Variants in ATR observed in about 807,000 individuals in gnomAD.
ATR encodes the protein serine/threonine-protein kinase ATR.
Under a neutral mutation model 305.3 loss-of-function variants are expected in ATR, and 142 were observed. The observed-to-expected ratio is 0.47, with a 90% confidence interval of 0.41 to 0.53. ATR has a LOEUF of 0.53. Among genes scored for constraint, ATR ranks in the 20% least tolerant of loss-of-function variants. ATR has a pLI of 0.00. For missense variants in ATR, 2,135 were observed against 3,133.1 expected (o/e 0.68, Z 7.60); for synonymous variants, 1,050 against 1,068.1 (o/e 0.98, Z 0.33).
chr3:142,466,344 T>C lies in ATR; in HGVS notation c.6877A>G (p.Ile2293Val), dbSNP rs758772379. ...HEPFPGHWAY[I>V]AGFDDMVEIL... ...TTTACCATATCATCAAACCCTGCAA[T>C]ATAGGCCCAATGTCCAGGAAATGGT... Residue 2293 changes from isoleucine (I) to valine (V), a missense_variant, in exon 40 of 47, where the codon ATT becomes GTT. Physicochemically the swap from Ile to Val is conservative, Grantham distance 29. Coordinates refer to ENST00000350721, the MANE Select transcript of ATR (RefSeq NM_001184.4). 9 of 1,613,816 alleles carry C rather than the reference T, an allele frequency of 5.6e-6. No individual in the cohort carries two copies. In the Admixed American group the frequency reaches 1.2e-4, roughly 21 times the overall value.
rs369939610 is a variant in ATR, at chr3:142,556,059, C to G, written c.2159G>C (p.Gly720Ala). Reference sequence around the variant, plus strand: ...TAAAGAACTTGTCAGATAAAACATGCCGTGAAGAGTACAGACAAGTTGACC... The same window carrying G: ...TAAAGAACTTGTCAGATAAAACATGGCGTGAAGAGTACAGACAAGTTGACC... ...ILGQLVCTLH[G>A]MFYLTSSLTE... Residue 720 changes from glycine to alanine, a missense_variant, in exon 10 of 47, where the codon GGC becomes GCC. By Grantham distance (60) the Gly-to-Ala change is moderately conservative (BLOSUM62 0). Around this residue, in one of 9 missense-constraint regions of ATR, gnomAD observed 744 missense variants for 873.2 expected, o/e 0.85. Coordinates refer to ENST00000350721, the MANE Select transcript of ATR (RefSeq NM_001184.4). The G allele has an allele frequency of 2.9e-5, 46 of 1,613,892 alleles. No homozygotes were observed. Among genetic ancestry groups the G allele is most frequent in the Non-Finnish European group, 3.7e-5 (44 of 1,179,912 alleles).
chr3:142,499,791 A>G lies in ATR; in HGVS notation c.5289-73T>C, dbSNP rs2031858038. ...ACATTCAGAGATTTTTCATTGGTTTACATACTCTATTTATTATATTTATTG... is the reference window on the plus strand; with the variant it reads ...ACATTCAGAGATTTTTCATTGGTTTGCATACTCTATTTATTATATTTATTG... On this transcript the variant is annotated intron_variant, in intron 30 of 46. Coordinates refer to ENST00000350721, the MANE Select transcript of ATR (RefSeq NM_001184.4). The G allele has an allele frequency of 4.2e-6, 5 of 1,198,638 alleles. No individual in the cohort carries two copies. The Admixed American group carries it at 5.2e-5, about 12-fold the overall frequency. 74.3% of individuals were successfully genotyped at this position (1,198,638 alleles called of 1,614,324 possible). A position where few individuals can be genotyped will look rare whatever the true frequency, so the allele number is the denominator to read the frequency against.
chr3:142,505,049 C>T, intron 29 of ATR, 90 bp downstream of exon 29: 1 of 1,477,630 alleles, frequency 6.8e-7, no homozygotes, highest in Non-Finnish European at 9.3e-7. Flanking sequence ...GTCTCAAAAA[C>T]AAAACAAAAC....
chr3:142,478,628 C>T (rs2030116616), intron 36 of ATR, among the ~76,000 whole-genome samples: 1 of 152,152 alleles, frequency 6.6e-6, no homozygotes, highest in Non-Finnish European at 1.5e-5. Context: ...GAGCTGAATT[C>T]AATTCCTGGA....
intron 35 of ATR, among the ~76,000 whole-genome samples, chr3:142,491,118 T>G (rs2031250433): frequency 6.6e-6 from 1 of 152,084 alleles, no homozygotes; most frequent in African/African-American, 2.4e-5. Context: ...AAAAAAAAAT[T>G]GTACCAATTA....
intron 3 of ATR, among the ~76,000 whole-genome samples, chr3:142,565,733 TAAA>T (rs55690216): frequency 2.5e-5 from 2 of 79,322 alleles, no homozygotes; most frequent in Admixed American, 1.6e-4. Flanking sequence ...CTGTCTTATT[TAAA>T]AAAAAAAAAA....
At chr3:142,453,266 T>C (rs1170805075) in intron 45 of ATR, 33 bp from the exon 46 acceptor site, 1 of 1,600,974 alleles carries the variant, frequency 6.2e-7, no homozygotes, top group Non-Finnish European at 8.6e-7. Context: ...GGTATGATGT[T>C]ATCTTTGCAA....
intron 25 of ATR, among the ~76,000 whole-genome samples, chr3:142,513,959 C>T (rs762787257): frequency 6.6e-6 from 1 of 151,898 alleles, no homozygotes; most frequent in African/African-American, 2.4e-5. Context: ...ATTATATTTT[C>T]AGTATATTCA....
Position 142,505,132 on chromosome 3 carries a change from A to G in ATR, c.5196+7T>C, listed in dbSNP as rs2032172336. On this transcript the variant is annotated splice_region_variant and intron_variant, in intron 29 of 46. Coordinates refer to ENST00000350721, the MANE Select transcript of ATR (RefSeq NM_001184.4). ...TCATTACAGTTGCCTTTCAATTATT[A>G]TCTTACCTGGTCTGGTTCTAGCTGA... The G allele has an allele frequency of 4.3e-6, 7 of 1,614,018 alleles. No individual in the cohort carries two copies. Among genetic ancestry groups the G allele is most frequent in the Non-Finnish European group, 5.1e-6 (6 of 1,179,930 alleles).
chr3:142,530,244 C>T (rs1415279641), intron 21 of ATR, among the ~76,000 whole-genome samples: 1 of 152,056 alleles, frequency 6.6e-6, no homozygotes, highest in Non-Finnish European at 1.5e-5. Context: ...CAATTTCTTT[C>T]CTAAGTTCAA....
rs770059434 is a variant in ATR, at chr3:142,561,270, G to C, written c.1322C>G (p.Ser441Cys). 5 of 1,614,052 alleles carry C rather than the reference G, an allele frequency of 3.1e-6. No homozygotes were observed. The highest frequency in any genetic ancestry group is 1.1e-5 in the South Asian group (1 of 91,076). ...RRRLSSSLNPSKRAPKQTEEI... is the reference protein window; with the variant it reads ...RRRLSSSLNPCKRAPKQTEEI... Reference sequence around the variant, plus strand: ...CTCAGTCTGTTTTGGTGCTCTTTTAGAAGGGTTTAGAGACGAGCTGAGACG... The same window carrying C: ...CTCAGTCTGTTTTGGTGCTCTTTTACAAGGGTTTAGAGACGAGCTGAGACG... Residue 441 changes from serine (S) to cysteine (C), a missense_variant, in exon 5 of 47, where the codon TCT (serine) becomes TGT (cysteine). Around this residue, in one of 9 missense-constraint regions of ATR, gnomAD observed 744 missense variants for 873.2 expected, o/e 0.85. Transcript: ENST00000350721.
At chr3:142,494,221 G>T (rs75257588) in intron 34 of ATR, among the ~76,000 whole-genome samples, 2,730 of 152,282 alleles carry the variant, frequency 0.018, 29 homozygotes, top group South Asian at 0.041. Flanking sequence ...TACTGTGTAT[G>T]CCACTTTATA....
intron 36 of ATR, among the ~76,000 whole-genome samples, chr3:142,482,420 T>C (rs1486040822): frequency 6.6e-6 from 1 of 152,218 alleles, no homozygotes; most frequent in Non-Finnish European, 1.5e-5. Context: ...TTTATGCATA[T>C]AGAGGACTTT....
chr3:142,565,980 C>A lies in ATR; in HGVS notation c.292+141G>T, dbSNP rs1475096371. 9.8e-6 allele frequency: 10 copies of A among 1,019,312 alleles called. No homozygotes were observed. In the East Asian group the frequency reaches 2.0e-4, roughly 20 times the overall value. The allele number at this position is 1,019,312 out of a possible 1,614,324, so 63.1% of individuals were successfully genotyped here. ...ATAAGGATATGTGAAGGAAAAATAACCATTACCATTTTGCTCCTTCAATTT... is the reference window on the plus strand; with the variant it reads ...ATAAGGATATGTGAAGGAAAAATAAACATTACCATTTTGCTCCTTCAATTT... On this transcript the variant is annotated intron_variant, in intron 3 of 46. Transcript: ENST00000350721.
chr3:142,516,961 TAC>T (rs1210976700), intron 24 of ATR, among the ~76,000 whole-genome samples: 26 of 147,150 alleles, frequency 1.8e-4, no homozygotes, highest in African/African-American at 6.6e-4. Flanking sequence ...AAATGCCCTA[TAC>T]CCAAAGTCTT....
chr3:142,567,226 A>G (rs1239660077), intron 2 of ATR, among the ~76,000 whole-genome samples: 1 of 152,172 alleles, frequency 6.6e-6, no homozygotes, highest in Non-Finnish European at 1.5e-5. Flanking sequence ...TTATAATACA[A>G]TATGGTAACA....
chr3:142,547,272 GAA>G (rs1577673876), intron 16 of ATR, among the ~76,000 whole-genome samples: 1 of 152,206 alleles, frequency 6.6e-6, no homozygotes, highest in East Asian at 1.9e-4. Flanking sequence ...AGTTAGAATT[GAA>G]AAGTTTCATT....
At chr3:142,498,509 A>C in intron 32 of ATR, 88 bp downstream of exon 32, 1 of 1,269,156 alleles carries the variant, frequency 7.9e-7, no homozygotes, top group Non-Finnish European at 1.1e-6. Flanking sequence ...AACCAAACTC[A>C]CTATCAATTA....
At chr3:142,457,790 T>C (rs747983560) in intron 44 of ATR, 35 bp from the exon 45 acceptor site, 17 of 1,607,134 alleles carry the variant, frequency 1.1e-5, no homozygotes, top group Non-Finnish European at 1.4e-5. Flanking sequence ...AAACTAACAA[T>C]GTTAGAATTT....
Sources: gnomAD v4.1 joint callset for allele counts (sites outside exome capture counted in the v4.1 genomes callset) on GRCh38, gnomAD v4.1.1 for gene constraint, gnomAD v4.1.1 regional missense constraint, MANE v1.5 for transcripts, NCBI Gene and HGNC (gene_info 2026-07-23, HGNC 2026-07-21) for gene names.